The following DDO variants were observed in gnomAD, a reference collection of about 807,000 sequenced individuals.
The protein encoded by DDO is D-aspartate oxidase.
In DDO, 16 loss-of-function variants were observed where a neutral mutation model predicts 16.8. The ratio of observed to expected loss-of-function variants is 0.95; its 90% CI spans 0.65 to 1.45. The LOEUF is 1.45. Among genes scored for constraint, DDO ranks in the 40% most tolerant of loss-of-function variants. The probability of loss-of-function intolerance (pLI) is 0.00; values close to 1 mark genes in which losing one functional copy is unlikely to be tolerated. For missense variants in DDO, 429 were observed against 420.3 expected (o/e 1.02, Z -0.18); for synonymous variants, 180 against 167.2 (o/e 1.08, Z -0.59).
chr6:110,399,648 C>T (rs1466465659), intron 4 of DDO, among the ~76,000 whole-genome samples: 2 of 151,724 alleles, frequency 1.3e-5, no homozygotes, highest in Non-Finnish European at 2.9e-5. Flanking sequence ...TGGCCTTGTT[C>T]CTCCACCAGC....
intron 4 of DDO, among the ~76,000 whole-genome samples, chr6:110,403,282 G>A (rs1040102367): frequency 6.6e-6 from 1 of 151,270 alleles, no homozygotes; most frequent in Admixed American, 6.6e-5. Context: ...ATTTTATTCT[G>A]GATTTTATTA....
At chr6:110,388,707 A>C (rs904241194), downstream of DDO, 4 of 728,720 alleles carry the variant, frequency 5.5e-6, no homozygotes, top group African/African-American at 7.7e-5. Flanking sequence ...GGCTCAAAGC[A>C]GCCTCGTTCC....
Position 110,404,785 on chromosome 6 carries a change from C to A in DDO, c.447G>T (p.Trp149Cys). 1 of 1,614,044 alleles carries A rather than the reference C, an allele frequency of 6.2e-7. No homozygotes were observed. The highest frequency in any genetic ancestry group is 8.5e-7 in the Non-Finnish European group (1 of 1,179,972). Residue 149 changes from tryptophan (W) to cysteine (C), a missense_variant, in exon 4 of 5, where the codon TGG becomes TGT. By Grantham distance (215) the Trp-to-Cys change is radical. Transcript: ENST00000368924. ...GCATTTCAACTGACCTTTTCTCCAA[C>A]CACGGGAGGTAGGCAGGGCATTCAC... ...LKCECPAYLP[W>C]LEKRIKGSGG...
chr6:110,412,375 T>A (rs1047896697), intron 2 of DDO, among the ~76,000 whole-genome samples: 4 of 152,262 alleles, frequency 2.6e-5, no homozygotes, highest in Non-Finnish European at 5.9e-5. Context: ...ATAATTTTAG[T>A]TCCCTTACAA....
downstream of DDO, among the ~76,000 whole-genome samples, chr6:110,389,467 G>T (rs1039758900): frequency 6.6e-6 from 1 of 152,184 alleles, no homozygotes; most frequent in Non-Finnish European, 1.5e-5. Flanking sequence ...AAATGCAAAG[G>T]CTATTTCTTT....
chr6:110,409,085 A>C (rs1369272682), intron 2 of DDO, among the ~76,000 whole-genome samples: 3 of 152,222 alleles, frequency 2.0e-5, no homozygotes, highest in African/African-American at 7.2e-5. Context: ...CAGCCAGAGT[A>C]GCACTCCTGA....
At chr6:110,410,465 C>A (rs1344984255) in intron 2 of DDO, among the ~76,000 whole-genome samples, 2 of 152,154 alleles carry the variant, frequency 1.3e-5, no homozygotes, top group Admixed American at 1.3e-4. Flanking sequence ...AAAGACATAC[C>A]CGAGACAGGG....
At chr6:110,404,504 T>G (rs1773581029) in intron 4 of DDO, among the ~76,000 whole-genome samples, 1 of 152,196 alleles carries the variant, frequency 6.6e-6, no homozygotes, top group East Asian at 1.9e-4. Context: ...GGGTTTTACC[T>G]GGGGCAAGAA....
At chr6:110,391,456 T>C (rs1422817820), downstream of DDO, among the ~76,000 whole-genome samples, 2 of 150,472 alleles carry the variant, frequency 1.3e-5, no homozygotes, top group Admixed American at 6.7e-5. Flanking sequence ...TTCAAGTAGC[T>C]TCCCGAGTAG....
chr6:110,403,432 T>G (rs1218418853), intron 4 of DDO, among the ~76,000 whole-genome samples: 1 of 152,154 alleles, frequency 6.6e-6, no homozygotes, highest in African/African-American at 2.4e-5. Context: ...CTGCTAAAAT[T>G]TGCTTGTTGG....
At position 110,392,542 on chromosome 6, in the gene DDO, A is replaced by T. The variant is rs1773131285; in HGVS notation, c.*233T>A. ...GAGGTGGGAACTGGCACCTCTAAAAAATGTTACCCAGATTGCACTCAAACT... is the reference window on the plus strand; with the variant it reads ...GAGGTGGGAACTGGCACCTCTAAAATATGTTACCCAGATTGCACTCAAACT... On this transcript the variant is annotated 3_prime_UTR_variant, in exon 5 of 5. Transcript: ENST00000368924. 5.8e-6 allele frequency: 7 copies of T among 1,208,068 alleles called. No individual in the cohort carries two copies. Among genetic ancestry groups the T allele is most frequent in the South Asian group, 4.2e-5 (1 of 23,868 alleles). The allele number at this position is 1,208,068 out of a possible 1,614,324, so 74.8% of individuals were successfully genotyped here.
In DDO at chr6:110,392,608, C is replaced by A; in HGVS notation, c.*167G>T. 1 of 1,273,178 alleles carries A rather than the reference C, an allele frequency of 7.9e-7. No individual in the cohort carries two copies. Among genetic ancestry groups the A allele is most frequent in the Admixed American group, 3.9e-5 (1 of 25,910 alleles). 78.9% of individuals were successfully genotyped at this position (1,273,178 alleles called of 1,614,324 possible). A position where few individuals can be genotyped will look rare whatever the true frequency, so the allele number is the denominator to read the frequency against. ...CCTCCTGCCTCAGCCTCTCAAGTAG[C>A]TGGGACTATAGGCATGCCACCGTGC... On this transcript the variant is annotated 3_prime_UTR_variant, in exon 5 of 5. Coordinates refer to ENST00000368924, the MANE Select transcript of DDO (RefSeq NM_001372108.2).
In DDO at chr6:110,413,303, G is replaced by C. The variant is rs1279357682; in HGVS notation, c.160C>G (p.His54Asp). ...SDVAAGMLIP[H>D]TYPDTPIHTQ... Reference sequence around the variant, plus strand: ...TGAAATCTCTCACCTGGATAAGTGTGAGGAATAAGCATTCCGGCTGCCACA... The same window carrying C: ...TGAAATCTCTCACCTGGATAAGTGTCAGGAATAAGCATTCCGGCTGCCACA... Residue 54 changes from histidine to aspartate, a missense_variant, in exon 2 of 5, where the codon CAC becomes GAC. Physicochemically the swap from His to Asp is moderately conservative, Grantham distance 81 (BLOSUM62 -1). Transcript: ENST00000368924. The C allele has an allele frequency of 6.2e-7, 1 of 1,614,150 alleles. No individual in the cohort carries two copies. Among genetic ancestry groups the C allele is most frequent in the Non-Finnish European group, 8.5e-7 (1 of 1,180,008 alleles).
Position 110,415,508 on chromosome 6 carries a change from G to A in DDO, c.-46C>T, listed in dbSNP as rs758783676. ...AGTCTTGGAAGCCACCAAAATCTCT[G>A]GCACCAAACCTTGTTTCCCAGTGCC... On this transcript the variant is annotated 5_prime_UTR_variant, in exon 1 of 5. Coordinates refer to ENST00000368924, the MANE Select transcript of DDO (RefSeq NM_001372108.2). 5 of 1,614,218 alleles carry A rather than the reference G, an allele frequency of 3.1e-6. No individual in the cohort carries two copies. Among genetic ancestry groups the A allele is most frequent in the Non-Finnish European group, 4.2e-6 (5 of 1,180,042 alleles).
At chr6:110,397,133 C>T (rs976961787) in intron 4 of DDO, among the ~76,000 whole-genome samples, 3 of 152,204 alleles carry the variant, frequency 2.0e-5, no homozygotes, top group East Asian at 1.9e-4. Context: ...TCTCTAGGCT[C>T]GTTGTGAAAA....
At chr6:110,413,845 C>A (rs1323826567) in intron 1 of DDO, among the ~76,000 whole-genome samples, 1 of 152,124 alleles carries the variant, frequency 6.6e-6, no homozygotes, top group African/African-American at 2.4e-5. Flanking sequence ...GAGATCTCGG[C>A]TCACTGCAAC....
intron 3 of DDO, 45 bp from the exon 4 acceptor site, chr6:110,404,995 A>G (rs1159934460): frequency 6.5e-7 from 1 of 1,532,714 alleles, no homozygotes; most frequent in East Asian, 2.3e-5. Flanking sequence ...TTTGTGAAAT[A>G]ACATATTTCT....
chr6:110,408,199 T>C, intron 3 of DDO, 135 bp downstream of exon 3: 1 of 721,212 alleles, frequency 1.4e-6, no homozygotes, highest in Non-Finnish European at 2.3e-6. Flanking sequence ...AAGCCTATAA[T>C]GCTCTTTCCG....
downstream of DDO, among the ~76,000 whole-genome samples, chr6:110,390,649 C>CTGAA (rs1197579995): frequency 6.6e-6 from 1 of 152,196 alleles, no homozygotes; most frequent in African/African-American, 2.4e-5. Flanking sequence ...GCCACAGGAT[C>CTGAA]TGAACCACAG....
Sources: gnomAD v4.1 joint callset for allele counts (sites outside exome capture counted in the v4.1 genomes callset) on GRCh38, gnomAD v4.1.1 for gene constraint, MANE v1.5 for transcripts, NCBI Gene and HGNC (gene_info 2026-07-23, HGNC 2026-07-21) for gene names.